The following EEPD1 variants were observed in gnomAD, a reference collection of about 807,000 sequenced individuals.
EEPD1 encodes the protein endonuclease/exonuclease/phosphatase family domain-containing protein 1.
Under a neutral mutation model 46.3 loss-of-function variants are expected in EEPD1, and 17 were observed. The ratio of observed to expected loss-of-function variants is 0.37; its 90% CI spans 0.25 to 0.55. EEPD1 has a LOEUF of 0.55. EEPD1 is among the 20% of genes least tolerant of loss of function. The pLI is 0.83. For synonymous variants in EEPD1, 313 were observed against 315.6 expected, an observed-to-expected ratio of 0.99 and a Z score of 0.09; for missense variants, 673 against 745.6, an observed-to-expected ratio of 0.90 and a Z score of 1.13.
At chr7:36,198,963 C>G (rs1275165626) in intron 2 of EEPD1, among the ~76,000 whole-genome samples, 1 of 152,002 alleles carries the variant, frequency 6.6e-6, no homozygotes, top group Non-Finnish European at 1.5e-5. Context: ...GAGGGGTGGA[C>G]CACCGAGGAG....
At chr7:36,224,687 A>C (rs754942569) in intron 2 of EEPD1, among the ~76,000 whole-genome samples, 10 of 152,206 alleles carry the variant, frequency 6.6e-5, no homozygotes, top group Non-Finnish European at 1.3e-4. Flanking sequence ...TGGATTCCAT[A>C]AGGAAAGGTT....
chr7:36,229,856 G>T (rs973074121), intron 2 of EEPD1, among the ~76,000 whole-genome samples: 3 of 152,010 alleles, frequency 2.0e-5, no homozygotes, highest in African/African-American at 7.3e-5. Context: ...CACCTACCCT[G>T]GACTGTCTTC....
At chr7:36,178,400 C>T (rs530717072) in intron 2 of EEPD1, among the ~76,000 whole-genome samples, 1 of 152,376 alleles carries the variant, frequency 6.6e-6, no homozygotes, top group Non-Finnish European at 1.5e-5. Context: ...TAGGTGAGTT[C>T]AGACTCCTCT....
chr7:36,217,863 A>G (rs1786057590), intron 2 of EEPD1, among the ~76,000 whole-genome samples: 1 of 152,240 alleles, frequency 6.6e-6, no homozygotes, highest in South Asian at 2.1e-4. Flanking sequence ...GTGAAAGGTC[A>G]GCAGTGAATG....
chr7:36,288,085 C>CTGGG (rs1323175435), intron 6 of EEPD1, among the ~76,000 whole-genome samples: 1 of 152,136 alleles, frequency 6.6e-6, no homozygotes, highest in Non-Finnish European at 1.5e-5. Context: ...ACAGCTCATC[C>CTGGG]TGGGACCAGC....
chr7:36,264,069 C>T (rs1396646699), intron 3 of EEPD1, among the ~76,000 whole-genome samples: 1 of 152,068 alleles, frequency 6.6e-6, no homozygotes, highest in African/African-American at 2.4e-5. Flanking sequence ...ATGGATAAAG[C>T]TCACACCAGT....
At chr7:36,257,451 A>G (rs196556) in intron 3 of EEPD1, among the ~76,000 whole-genome samples, 18,663 of 152,092 alleles carry the variant, frequency 0.12, 1,564 homozygotes, top group Non-Finnish European at 0.18. Flanking sequence ...CGTTACTTTC[A>G]GGTACACCAA....
chr7:36,241,912 T>C (rs1786559928), intron 3 of EEPD1, among the ~76,000 whole-genome samples: 1 of 152,228 alleles, frequency 6.6e-6, no homozygotes, highest in African/African-American at 2.4e-5. Context: ...GAGCTGTGTG[T>C]ACACCTGATT....
rs374929732 is a variant in EEPD1 at position 36,178,564 on chromosome 7, C to T, written c.878+23362C>T. Among the ~76,000 whole-genome samples, 8 of 152,362 alleles carry T rather than the reference C, an allele frequency of 5.3e-5. 1 individual carries two copies. The South Asian group carries it at 1.7e-3, about 32-fold the overall frequency. On this transcript the variant is annotated intron_variant, in intron 2 of 7. Coordinates refer to ENST00000242108, the MANE Select transcript of EEPD1 (RefSeq NM_030636.3). ...TAACTGGGACAGTCTTCCCTCTCTT[C>T]TGCCAACCCTTGCTCTTCCTTTAGG...
rs766284536 is a variant in EEPD1, at chr7:36,211,675, A to T, written c.879-27310A>T. Reference sequence around the variant, plus strand: ...CGTGGTGGCTCACACCCGTAATCCCAGCACTTTGGGAGGCCAAGGCGTGCG... The same window carrying T: ...CGTGGTGGCTCACACCCGTAATCCCTGCACTTTGGGAGGCCAAGGCGTGCG... On this transcript the variant is annotated intron_variant, in intron 2 of 7. Coordinates refer to ENST00000242108, the MANE Select transcript of EEPD1 (RefSeq NM_030636.3). 6.6e-4 allele frequency among the ~76,000 whole-genome samples: 100 copies of T among 152,352 alleles called. 1 individual carries two copies. The highest frequency in any genetic ancestry group is 1.2e-3 in the Non-Finnish European group (81 of 68,034).
intron 2 of EEPD1, among the ~76,000 whole-genome samples, chr7:36,206,224 G>T (rs2115713989): frequency 6.6e-6 from 1 of 152,048 alleles, no homozygotes; most frequent in Non-Finnish European, 1.5e-5. Flanking sequence ...CCAGGGCTAG[G>T]TCAGAGAGAA....
At chr7:36,214,326 G>T (rs1562689385) in intron 2 of EEPD1, among the ~76,000 whole-genome samples, 1 of 152,180 alleles carries the variant, frequency 6.6e-6, no homozygotes, top group Non-Finnish European at 1.5e-5. Context: ...CTGACATTTG[G>T]TTTTTCAGAC....
At chr7:36,296,780 T>C (rs556148185) in intron 6 of EEPD1, among the ~76,000 whole-genome samples, 20 of 150,266 alleles carry the variant, frequency 1.3e-4, no homozygotes, top group Non-Finnish European at 2.4e-4. Context: ...CTGCCCCTGA[T>C]TTCCAAACGT....
intron 6 of EEPD1, among the ~76,000 whole-genome samples, chr7:36,291,065 A>G (rs572682465): frequency 8.5e-5 from 13 of 152,328 alleles, no homozygotes; most frequent in African/African-American, 2.9e-4. Context: ...AGCTGGCTCT[A>G]TTGACCCTTG....
intron 7 of EEPD1, among the ~76,000 whole-genome samples, chr7:36,297,568 G>T (rs1787547911): frequency 1.3e-5 from 2 of 152,296 alleles, no homozygotes; most frequent in Non-Finnish European, 2.9e-5. Context: ...TTATAGATTG[G>T]CAGAGTCCTG....
intron 2 of EEPD1, among the ~76,000 whole-genome samples, chr7:36,168,636 C>A (rs2700915): frequency 1.3e-5 from 2 of 151,810 alleles, no homozygotes; most frequent in Admixed American, 1.3e-4. Flanking sequence ...CAGGCACCTG[C>A]AGTCCCAGCT....
intron 2 of EEPD1, among the ~76,000 whole-genome samples, chr7:36,197,086 C>A (rs1317876319): frequency 6.8e-6 from 1 of 146,386 alleles, no homozygotes; most frequent in South Asian, 2.2e-4. Flanking sequence ...AGGTGAGGAG[C>A]GTCTCTGCCC....
At chr7:36,204,410 C>T (rs1783775633) in intron 2 of EEPD1, among the ~76,000 whole-genome samples, 1 of 148,820 alleles carries the variant, frequency 6.7e-6, no homozygotes, top group Admixed American at 6.7e-5. Context: ...AGAACAGCAG[C>T]AATGATGATG....
chr7:36,282,661 T>A (rs1209494777), intron 4 of EEPD1, among the ~76,000 whole-genome samples: 1 of 152,238 alleles, frequency 6.6e-6, no homozygotes, highest in Non-Finnish European at 1.5e-5. Context: ...TATAGGATTT[T>A]AAAAGATACT....
Sources: gnomAD v4.1 joint callset for allele counts (sites outside exome capture counted in the v4.1 genomes callset) on GRCh38, gnomAD v4.1.1 for gene constraint, MANE v1.5 for transcripts, NCBI Gene and HGNC (gene_info 2026-07-23, HGNC 2026-07-21) for gene names.